NEB: variants seen among roughly 807,000 people sequenced by gnomAD.
The protein encoded by NEB is nebulin.
In NEB, 512 loss-of-function variants were observed where a neutral mutation model predicts 952.2. The ratio of observed to expected loss-of-function variants is 0.54; its 90% CI spans 0.50 to 0.58. The LOEUF is 0.58. Ranked by LOEUF, NEB falls within the 20% of genes least tolerant of loss-of-function variation. NEB has a pLI of 0.00. For synonymous variants in NEB, 2,900 were observed against 3,149.8 expected (o/e 0.92, Z 2.66); for missense variants, 8,428 against 9,231.1 (o/e 0.91, Z 3.56).
At position 151,655,855 on chromosome 2, in the gene NEB, T is replaced by C. The variant is rs201167928; in HGVS notation, c.6664A>G (p.Met2222Val). Reference protein sequence around the residue: ...QFKKLTDSMDMVLAKQNAHTM... With the variant: ...QFKKLTDSMDVVLAKQNAHTM... ...TGTGCATTCTGCTTGGCAAGCACCA[T>C]GTCCATGGAATCAGTCAGCTTCTTA... Residue 2222 changes from methionine to valine, a missense_variant, in exon 50 of 182, where the codon ATG becomes GTG. This residue lies in a region of NEB where 2,851 missense variants were observed against 2,791.5 expected (regional missense o/e 1.02). Coordinates refer to ENST00000397345, the MANE Select transcript of NEB (RefSeq NM_001164508.2). 5.0e-6 allele frequency: 8 copies of C among 1,613,650 alleles called. No homozygotes were observed. In the Admixed American group the frequency reaches 5.0e-5, roughly 10 times the overall value.
chr2:151,571,096 C>T (rs1377785302), intron 107 of NEB, among the ~76,000 whole-genome samples: 2 of 152,154 alleles, frequency 1.3e-5, no homozygotes, highest in Non-Finnish European at 2.9e-5. Context: ...AACTCTGCCT[C>T]CCAGGCTCAA....
At chr2:151,508,785 C>G (rs2071435915) in intron 161 of NEB, among the ~76,000 whole-genome samples, 2 of 152,232 alleles carry the variant, frequency 1.3e-5, no homozygotes, top group South Asian at 4.1e-4. Flanking sequence ...ATCACTATTC[C>G]TTGGGCTCCC....
rs540542570 is a variant in NEB, at chr2:151,656,279, C to G, written c.6369G>C (p.Thr2123=). The G allele has an allele frequency of 3.7e-6, 6 of 1,613,342 alleles. No homozygotes were observed. In the South Asian group the frequency reaches 6.6e-5, roughly 18 times the overall value. Residue 2123 remains threonine (T), a synonymous_variant, in exon 49 of 182, where the codon ACG becomes ACC. Transcript: ENST00000397345. The part of the protein sequence containing the change: ...YHTPADMLSV[T]AAKDAQANIT... The stretch of plus-strand genomic sequence containing the variant: ...TGTTGGCTTGGGCATCCTTTGCAGC[C>G]GTGACACTGAGCATGTCGGCAGGGG...
Position 151,485,764 on chromosome 2 carries a change from A to G in NEB, c.25574T>C (p.Ile8525Thr). The G allele has an allele frequency of 6.2e-7, 1 of 1,608,516 alleles. No homozygotes were observed. The highest frequency in any genetic ancestry group is 8.5e-7 in the Non-Finnish European group (1 of 1,175,648). ...GMLPANYVEAI is the reference protein window; with the variant it reads ...GMLPANYVEAT ...AAGTGTGATGCTTTGAAATGCCTAA[A>G]TAGCTTCAACGTAGTTGGCTGGGAG... is the stretch of plus-strand genomic sequence containing the variant. The change falls in exon 182 of 182, where the codon ATT (isoleucine) becomes ACT (threonine). Residue 8525 changes from isoleucine (I) to threonine (T), a missense_variant. Ile to Thr is a moderately conservative substitution (Grantham distance 89). Transcript: ENST00000397345.
At position 151,514,906 on chromosome 2, in the gene NEB, T is replaced by C. The variant is rs998496609; in HGVS notation, c.22928A>G (p.Glu7643Gly). 2 of 1,573,058 alleles carry C rather than the reference T, an allele frequency of 1.3e-6. No individual in the cohort carries two copies. Among genetic ancestry groups the C allele is most frequent in the African/African-American group, 1.3e-5 (1 of 74,256 alleles). ...CAGGTTTCTGCCTTTAATGGACTCT[T>C]CATAATCTTTCCTATATTCTTTCTA... ...QSGKEYRKDY[E>G]ESIKGRNLTG... The change falls in exon 158 of 182, where the codon GAA becomes GGA. Residue 7643 changes from glutamate to glycine, a missense_variant. Physicochemically the swap from Glu to Gly is moderately conservative, Grantham distance 98 (BLOSUM62 -2). Transcript: ENST00000397345.
At chr2:151,612,742 G>T (rs1208654391) in intron 77 of NEB, among the ~76,000 whole-genome samples, 1 of 152,198 alleles carries the variant, frequency 6.6e-6, no homozygotes, top group African/African-American at 2.4e-5. Context: ...TGAGAATACA[G>T]TTGGCTCCTA....
At chr2:151,695,481 T>A in intron 18 of NEB, 97 bp downstream of exon 18, 2 of 848,794 alleles carry the variant, frequency 2.4e-6, no homozygotes, top group East Asian at 5.2e-5. Flanking sequence ...CTTCTCATTT[T>A]TAACATTAAT....
chr2:151,541,214 A>C (rs1040868204), intron 136 of NEB, among the ~76,000 whole-genome samples: 1 of 152,194 alleles, frequency 6.6e-6, no homozygotes, highest in African/African-American at 2.4e-5. Flanking sequence ...ACTCCAAAAC[A>C]CAAGTTTTAT....
intron 129 of NEB, 48 bp downstream of exon 129, chr2:151,551,690 C>T (rs763050613): frequency 7.0e-6 from 10 of 1,423,040 alleles, no homozygotes; most frequent in Non-Finnish European, 9.9e-7. Flanking sequence ...TCCACAGAGG[C>T]TGATGGAACG....
intron 88 of NEB, among the ~76,000 whole-genome samples, chr2:151,601,309 G>A (rs1447630586): frequency 3.6e-5 from 5 of 140,404 alleles, no homozygotes; most frequent in Admixed American, 7.0e-5. Flanking sequence ...GGGTTTCACC[G>A]TGTTGGCCAG....
At chr2:151,724,824 T>C in intron 7 of NEB, 33 bp downstream of exon 7, 2 of 1,565,094 alleles carry the variant, frequency 1.3e-6, no homozygotes, top group Non-Finnish European at 1.8e-6. Flanking sequence ...CACATGCTAC[T>C]GAGTACCCCA....
intron 156 of NEB, among the ~76,000 whole-genome samples, chr2:151,517,884 G>A (rs1287084287): frequency 1.3e-5 from 2 of 152,174 alleles, no homozygotes; most frequent in African/African-American, 4.8e-5. Context: ...ACATCATGCG[G>A]TATATGACTG....
intron 181 of NEB, among the ~76,000 whole-genome samples, chr2:151,489,168 CCTT>C (rs761175819): frequency 2.0e-5 from 3 of 152,062 alleles, no homozygotes; most frequent in African/African-American, 2.4e-5. Context: ...CTTATTTAGA[CCTT>C]CTTGTATGTC....
chr2:151,527,936 C>T (rs939950148), intron 146 of NEB, among the ~76,000 whole-genome samples: 8 of 152,154 alleles, frequency 5.3e-5, no homozygotes, highest in Non-Finnish European at 1.2e-4. Context: ...AATGATCAAA[C>T]ACTAGGTATT....
chr2:151,496,765 T>C (rs1398820308), intron 172 of NEB, among the ~76,000 whole-genome samples, 176 bp downstream of exon 172: 1 of 151,958 alleles, frequency 6.6e-6, no homozygotes, highest in Admixed American at 6.6e-5. Flanking sequence ...CAAAATTAAC[T>C]GTATTATGGA....
At chr2:151,718,619 A>T (rs77486954) in intron 9 of NEB, among the ~76,000 whole-genome samples, 1 of 152,066 alleles carries the variant, frequency 6.6e-6, no homozygotes, top group South Asian at 2.1e-4. Flanking sequence ...GAGGAGAAAC[A>T]TCCTTCAGAG....
At position 151,726,349 on chromosome 2, in the gene NEB, AC is replaced by A. The variant is rs1390582255; in HGVS notation, c.295-790del. Among the ~76,000 whole-genome samples the A allele has an allele frequency of 3.3e-5, 5 of 152,300 alleles. 1 individual carries two copies. Among genetic ancestry groups the A allele is most frequent in the Admixed American group, 3.3e-4 (5 of 15,294 alleles). ...AGTTAAGAAAATCTTGTTTCTAGAA[AC>A]CTGTCTTAGATTATTTAAGGCTCTG... On this transcript the variant is annotated intron_variant, in intron 5 of 181. Coordinates refer to ENST00000397345, the MANE Select transcript of NEB (RefSeq NM_001164508.2).
chr2:151,502,008 G>C (rs1341577594), intron 167 of NEB, among the ~76,000 whole-genome samples: 1 of 152,192 alleles, frequency 6.6e-6, no homozygotes, highest in African/African-American at 2.4e-5. Flanking sequence ...GTGAATTGCT[G>C]TGTTGTCTTT....
At chr2:151,654,794 C>T (rs894014733) in intron 51 of NEB, among the ~76,000 whole-genome samples, 3 of 152,098 alleles carry the variant, frequency 2.0e-5, no homozygotes, top group Non-Finnish European at 4.4e-5. Context: ...TACTATACAT[C>T]TCAAAAATGG....
Sources: allele counts gnomAD v4.1 joint callset (sites outside exome capture counted in the v4.1 genomes callset), GRCh38; gene constraint gnomAD v4.1.1; regional missense constraint gnomAD v4.1.1; transcripts MANE v1.5; gene names NCBI Gene and HGNC (gene_info 2026-07-23, HGNC 2026-07-21).